The following SH3RF3 variants were observed in gnomAD, a reference collection of about 807,000 sequenced individuals.
SH3RF3 encodes the protein E3 ubiquitin-protein ligase SH3RF3.
A neutral mutation model predicts 66.3 loss-of-function variants in SH3RF3; 29 were observed. That is an observed-to-expected ratio of 0.44 (90% CI 0.33 to 0.60). SH3RF3 has a LOEUF of 0.60. Among genes scored for constraint, SH3RF3 ranks in the 20% least tolerant of loss-of-function variants. The pLI is 0.04. For synonymous variants in SH3RF3, 583 were observed against 532.0 expected (o/e 1.10, Z -1.32); for missense variants, 1,194 against 1,190.9 (o/e 1.00, Z -0.04).
intron 9 of SH3RF3, among the ~76,000 whole-genome samples, chr2:109,495,460 CTGAA>C (rs953545667): frequency 3.5e-5 from 5 of 143,842 alleles, no homozygotes; most frequent in Non-Finnish European, 4.5e-5. Flanking sequence ...CCATTTCATC[CTGAA>C]TATCTTTCAT....
chr2:109,343,290 C>A (rs942817699), intron 1 of SH3RF3, among the ~76,000 whole-genome samples: 1 of 152,202 alleles, frequency 6.6e-6, no homozygotes, highest in African/African-American at 2.4e-5. Flanking sequence ...CCCATGTGAG[C>A]ATTTCCTGAT....
chr2:109,141,253 C>G (rs1676941374), intron 1 of SH3RF3, among the ~76,000 whole-genome samples: 1 of 152,204 alleles, frequency 6.6e-6, no homozygotes, highest in Admixed American at 6.5e-5. Context: ...CACTCTTCCC[C>G]TCTGTGGGCC....
At chr2:109,184,819 T>C (rs1007415768) in intron 1 of SH3RF3, among the ~76,000 whole-genome samples, 1 of 152,246 alleles carries the variant, frequency 6.6e-6, no homozygotes, top group Admixed American at 6.5e-5. Flanking sequence ...CCAAGCCCAA[T>C]GAGGCAGTTA....
chr2:109,143,290 C>A (rs1200268831), intron 1 of SH3RF3, among the ~76,000 whole-genome samples: 1 of 152,140 alleles, frequency 6.6e-6, no homozygotes, highest in Non-Finnish European at 1.5e-5. Context: ...TATCGTGAAA[C>A]TGAGGCTTGG....
chr2:109,158,354 T>G (rs1210489164), intron 1 of SH3RF3, among the ~76,000 whole-genome samples: 2 of 152,178 alleles, frequency 1.3e-5, no homozygotes, highest in African/African-American at 4.8e-5. Flanking sequence ...GGTGTCCTCT[T>G]CTCTCATCCT....
chr2:109,267,678 C>A (rs1158053159), intron 1 of SH3RF3, among the ~76,000 whole-genome samples: 8 of 152,212 alleles, frequency 5.3e-5, no homozygotes, highest in Non-Finnish European at 1.5e-5. Context: ...GAGGCAGGAG[C>A]CCCACCCGTG....
chr2:109,471,206 CAAAA>C (rs61224177), intron 8 of SH3RF3, among the ~76,000 whole-genome samples: 1 of 40,166 alleles, frequency 2.5e-5, no homozygotes, highest in African/African-American at 6.3e-5. Flanking sequence ...GACTCTGTCT[CAAAA>C]AAAAAAAAAA....
At chr2:109,300,844 TACTA>T (rs1308548600) in intron 1 of SH3RF3, among the ~76,000 whole-genome samples, 1 of 152,176 alleles carries the variant, frequency 6.6e-6, no homozygotes, top group African/African-American at 2.4e-5. Context: ...CCAAGGCTCC[TACTA>T]AATCAGAACG....
intron 1 of SH3RF3, among the ~76,000 whole-genome samples, chr2:109,260,105 C>T (rs193069234): frequency 2.0e-5 from 3 of 152,190 alleles, no homozygotes; most frequent in African/African-American, 7.2e-5. Context: ...GAGAGGCTCT[C>T]TGGGATCTTT....
intron 1 of SH3RF3, among the ~76,000 whole-genome samples, chr2:109,187,536 C>T (rs1201762562): frequency 1.3e-5 from 2 of 152,064 alleles, no homozygotes; most frequent in African/African-American, 4.8e-5. Flanking sequence ...AAACATTTAC[C>T]ATTGTGTTCC....
At chr2:109,250,860 A>T (rs140441108) in intron 1 of SH3RF3, among the ~76,000 whole-genome samples, 1 of 152,282 alleles carries the variant, frequency 6.6e-6, no homozygotes, top group African/African-American at 2.4e-5. Context: ...TAGGTAGAAC[A>T]AAAAATCAAA....
At chr2:109,283,091 G>A (rs976302256) in intron 1 of SH3RF3, among the ~76,000 whole-genome samples, 1 of 152,248 alleles carries the variant, frequency 6.6e-6, no homozygotes, top group African/African-American at 2.4e-5. Flanking sequence ...GTCATGGGCA[G>A]CAGCGGTGAT....
chr2:109,258,830 G>C (rs1056430636), intron 1 of SH3RF3, among the ~76,000 whole-genome samples: 17 of 152,232 alleles, frequency 1.1e-4, no homozygotes, highest in African/African-American at 4.1e-4. Flanking sequence ...CCCATCCAGG[G>C]GCAGTGACCT....
intron 3 of SH3RF3, among the ~76,000 whole-genome samples, chr2:109,379,765 G>T (rs1402622624): frequency 2.0e-5 from 3 of 152,116 alleles, no homozygotes; most frequent in Non-Finnish European, 2.9e-5. Flanking sequence ...ACTTTGTAAA[G>T]CCCTCCTGCA....
intron 8 of SH3RF3, among the ~76,000 whole-genome samples, chr2:109,489,160 T>C (rs1679062321): frequency 6.6e-6 from 1 of 152,242 alleles, no homozygotes; most frequent in East Asian, 1.9e-4. Flanking sequence ...TTTCCCTCTC[T>C]ATTGCATAAG....
intron 1 of SH3RF3, among the ~76,000 whole-genome samples, chr2:109,154,655 G>T (rs1677295922): frequency 6.6e-6 from 1 of 152,144 alleles, no homozygotes; most frequent in African/African-American, 2.4e-5. Context: ...GAATACTTTT[G>T]GCCTTGCTGT....
At chr2:109,219,612 A>G (rs1159096572) in intron 1 of SH3RF3, among the ~76,000 whole-genome samples, 1 of 152,270 alleles carries the variant, frequency 6.6e-6, no homozygotes, top group Non-Finnish European at 1.5e-5. Flanking sequence ...GTTGCAAAAT[A>G]TAAAATTAAA....
At chr2:109,147,116 C>T (rs779098592) in intron 1 of SH3RF3, among the ~76,000 whole-genome samples, 1 of 152,026 alleles carries the variant, frequency 6.6e-6, no homozygotes, top group African/African-American at 2.4e-5. Context: ...GACCCTGGAG[C>T]GAGTCAGAGG....
intron 3 of SH3RF3, among the ~76,000 whole-genome samples, chr2:109,387,863 G>C (rs1001665022): frequency 1.5e-4 from 23 of 152,020 alleles, no homozygotes; most frequent in African/African-American, 5.3e-4. Context: ...ATGGTTGGGG[G>C]GGGGGTCTCC....
Sources: gnomAD v4.1 joint callset for allele counts (sites outside exome capture counted in the v4.1 genomes callset) on GRCh38, gnomAD v4.1.1 for gene constraint, MANE v1.5 for transcripts, NCBI Gene and HGNC (gene_info 2026-07-23, HGNC 2026-07-21) for gene names.